The following NEK10 variants were observed in gnomAD, a reference collection of about 807,000 sequenced individuals.
The protein encoded by NEK10 is NIMA related kinase 10.
In NEK10, 122 loss-of-function variants were observed where a neutral mutation model predicts 159.8. The observed-to-expected ratio is 0.76, with a 90% confidence interval of 0.66 to 0.89. The LOEUF is 0.89. NEK10 is among the 40% of genes least tolerant of loss of function. The probability of loss-of-function intolerance (pLI) is 0.00; values close to 1 mark genes in which losing one functional copy is unlikely to be tolerated. For synonymous variants in NEK10, 466 were observed against 457.1 expected (o/e 1.02, Z -0.25); for missense variants, 1,342 against 1,323.1 (o/e 1.01, Z -0.22).
At chr3:27,197,393 C>T (rs565777003) in intron 25 of NEK10, among the ~76,000 whole-genome samples, 10 of 152,186 alleles carry the variant, frequency 6.6e-5, no homozygotes, top group African/African-American at 2.4e-4. Context: ...CCAGGCTGGT[C>T]TCAAACACCT....
intron 22 of NEK10, among the ~76,000 whole-genome samples, chr3:27,263,661 T>C (rs552282705): frequency 6.6e-6 from 1 of 152,166 alleles, no homozygotes; most frequent in Non-Finnish European, 1.5e-5. Flanking sequence ...CTAAGACCGT[T>C]GGAAAAGCGC....
chr3:27,143,314 T>C (rs1943965671), intron 30 of NEK10: 2 of 503,862 alleles, frequency 4.0e-6, no homozygotes, highest in Admixed American at 3.8e-5. Flanking sequence ...ACTATGTTTC[T>C]GATTTGTAGA....
chr3:27,309,130 A>G (rs988536190), intron 9 of NEK10, 125 bp from the exon 10 acceptor site: 1 of 524,902 alleles, frequency 1.9e-6, no homozygotes, highest in African/African-American at 2.1e-5. Context: ...TCTTAAGATC[A>G]TATAGGCTTA....
intron 16 of NEK10, among the ~76,000 whole-genome samples, chr3:27,292,944 T>C (rs777867225): frequency 6.6e-6 from 1 of 152,292 alleles, no homozygotes; most frequent in Non-Finnish European, 1.5e-5. Context: ...AACTCAATAC[T>C]TTATGTCTAT....
At chr3:27,236,982 G>A (rs959537696) in intron 23 of NEK10, among the ~76,000 whole-genome samples, 1 of 152,060 alleles carries the variant, frequency 6.6e-6, no homozygotes, top group African/African-American at 2.4e-5. Flanking sequence ...AACCGCATAA[G>A]ACAGACACTC....
chr3:27,135,166 G>A (rs940840521), intron 31 of NEK10, among the ~76,000 whole-genome samples: 1 of 152,026 alleles, frequency 6.6e-6, no homozygotes, highest in African/African-American at 2.4e-5. Flanking sequence ...TGCCTGTATT[G>A]CCAGCACTTT....
intron 23 of NEK10, among the ~76,000 whole-genome samples, chr3:27,211,882 C>A (rs1317468895): frequency 1.3e-5 from 2 of 152,134 alleles, no homozygotes; most frequent in Non-Finnish European, 2.9e-5. Context: ...TTTAAAATAA[C>A]ATTTCTCATG....
At chr3:27,123,019 CATTCTAG>C (rs1411393366) in intron 32 of NEK10, among the ~76,000 whole-genome samples, 1 of 152,174 alleles carries the variant, frequency 6.6e-6, no homozygotes, top group Non-Finnish European at 1.5e-5. Context: ...CACTGACTTT[CATTCTAG>C]GAACTTCCCA....
At chr3:27,170,043 T>C (rs1946810496) in intron 29 of NEK10, among the ~76,000 whole-genome samples, 1 of 152,186 alleles carries the variant, frequency 6.6e-6, no homozygotes, top group Non-Finnish European at 1.5e-5. Context: ...TCCTATGCCT[T>C]CCCAAGCTTG....
intron 9 of NEK10, chr3:27,310,698 C>A (rs556784243): frequency 8.3e-6 from 3 of 359,724 alleles, no homozygotes; most frequent in African/African-American, 6.3e-5. Context: ...AAGTAATAAA[C>A]CTAGTTGGTA....
intron 30 of NEK10, among the ~76,000 whole-genome samples, chr3:27,144,523 A>C (rs1944106571): frequency 6.6e-6 from 1 of 152,214 alleles, no homozygotes; most frequent in Non-Finnish European, 1.5e-5. Flanking sequence ...TGACCAGAAA[A>C]GAATCCATTT....
chr3:27,282,869 C>A (rs2042310576), intron 22 of NEK10, among the ~76,000 whole-genome samples: 1 of 151,012 alleles, frequency 6.6e-6, no homozygotes, highest in Non-Finnish European at 1.5e-5. Flanking sequence ...AATATAAGTT[C>A]AATTTATAAA....
chr3:27,263,131 G>A (rs560378533), intron 22 of NEK10, among the ~76,000 whole-genome samples: 121 of 152,320 alleles, frequency 7.9e-4, no homozygotes, highest in African/African-American at 2.6e-3. Flanking sequence ...GCAGAACAGC[G>A]GATATTGGTG....
chr3:27,226,357 A>AG (rs1244580732), intron 23 of NEK10, among the ~76,000 whole-genome samples: 27 of 152,148 alleles, frequency 1.8e-4, no homozygotes, highest in Middle Eastern at 3.4e-3. Context: ...AGTTTTTAAA[A>AG]AAAAGAAAGA....
At chr3:27,286,025 C>T (rs1222834649) in intron 20 of NEK10, among the ~76,000 whole-genome samples, 1 of 149,462 alleles carries the variant, frequency 6.7e-6, no homozygotes, top group Non-Finnish European at 1.5e-5. Flanking sequence ...CTCTTTATTG[C>T]AATTTCCTAA....
At chr3:27,215,564 G>GT in intron 23 of NEK10, 2 of 470,418 alleles carry the variant, frequency 4.3e-6, no homozygotes, top group Non-Finnish European at 7.5e-6. Flanking sequence ...TTCCTTGGAT[G>GT]TTGGCAGTTT....
intron 22 of NEK10, among the ~76,000 whole-genome samples, chr3:27,258,001 T>C (rs1041545768): frequency 6.6e-6 from 1 of 151,818 alleles, no homozygotes; most frequent in Admixed American, 6.6e-5. Context: ...TTTCACAGTG[T>C]TAGCCAGGAT....
At chr3:27,133,725 G>A (rs1942876836) in intron 31 of NEK10, among the ~76,000 whole-genome samples, 1 of 152,320 alleles carries the variant, frequency 6.6e-6, no homozygotes, top group African/African-American at 2.4e-5. Context: ...GGTGAGCTGA[G>A]ATAATGCCAT....
At chr3:27,318,075 G>A (rs1437163901) in intron 6 of NEK10, among the ~76,000 whole-genome samples, 1 of 152,120 alleles carries the variant, frequency 6.6e-6, no homozygotes. Context: ...AGTGCTGGGA[G>A]TACAGGCGTG....
Sources: gnomAD v4.1 joint callset for allele counts (sites outside exome capture counted in the v4.1 genomes callset) on GRCh38, gnomAD v4.1.1 for gene constraint, MANE v1.5 for transcripts, NCBI Gene and HGNC (gene_info 2026-07-23, HGNC 2026-07-21) for gene names.